Variants in C19orf47 observed in about 807,000 individuals in gnomAD.
The protein encoded by C19orf47 is uncharacterized protein C19orf47.
A neutral mutation model predicts 32.3 loss-of-function variants in C19orf47; 18 were observed. The observed-to-expected ratio is 0.56, with a 90% confidence interval of 0.39 to 0.83. The LOEUF (loss-of-function observed/expected upper bound fraction) is 0.83. Among genes scored for constraint, C19orf47 ranks in the 40% least tolerant of loss-of-function variants. C19orf47 has a pLI of 0.00. For synonymous variants in C19orf47, 202 were observed against 211.1 expected, an observed-to-expected ratio of 0.96 and a Z score of 0.37; for missense variants, 484 against 531.6, an observed-to-expected ratio of 0.91 and a Z score of 0.88.
the C19orf47 span, among the ~76,000 whole-genome samples, chr19:40,305,510 G>A: frequency 1.3e-5 from 2 of 152,228 alleles, no homozygotes; most frequent in African/African-American, 4.8e-5. Context: ...GCCACAAGAT[G>A]GCGCCACATG....
chr19:40,321,821 C>G lies in C19orf47; in HGVS notation c.*61G>C. 3 of 1,461,118 alleles carry G rather than the reference C, an allele frequency of 2.1e-6. No individual in the cohort carries two copies. Among genetic ancestry groups the G allele is most frequent in the Non-Finnish European group, 2.7e-6 (3 of 1,108,756 alleles). 90.5% of individuals were successfully genotyped at this position (1,461,118 alleles called of 1,614,324 possible). ...GTGGGAGGCGTGATGAAGCCAGGAG[C>G]CTGGGGCGGCCAGGGCAGATGCCCG... On this transcript the variant is annotated 3_prime_UTR_variant, in exon 9 of 9. Transcript: ENST00000683109.
chr19:40,312,505 A>C, the C19orf47 span, among the ~76,000 whole-genome samples: 1 of 151,888 alleles, frequency 6.6e-6, no homozygotes, highest in Non-Finnish European at 1.5e-5. Context: ...AGATCGCACC[A>C]CTGCACTCCA....
chr19:40,309,577 A>G, the C19orf47 span, among the ~76,000 whole-genome samples: 2 of 152,086 alleles, frequency 1.3e-5, no homozygotes. Flanking sequence ...AGGGGCTCAG[A>G]GCACTTAAAC....
chr19:40,323,716 G>C (rs1485550803), intron 8 of C19orf47, among the ~76,000 whole-genome samples: 2 of 152,190 alleles, frequency 1.3e-5, no homozygotes, highest in African/African-American at 4.8e-5. Flanking sequence ...GCAGCCCTCA[G>C]ATGGGGGCCC....
upstream of C19orf47, chr19:40,348,424 A>T (rs10414431): frequency 0.27 from 406,347 of 1,493,210 alleles, 56,729 homozygotes; most frequent in East Asian, 0.32. Flanking sequence ...CCGCCCCGGA[A>T]GCATCCTCTC....
At chr19:40,316,496 C>T (rs1437183317), downstream of C19orf47, among the ~76,000 whole-genome samples, 1 of 152,156 alleles carries the variant, frequency 6.6e-6, no homozygotes, top group Non-Finnish European at 1.5e-5. Context: ...CCTCAGGATT[C>T]GACAAGTCCA....
At position 40,321,167 on chromosome 19, in the gene C19orf47, A is replaced by G; in HGVS notation, c.*715T>C. The G allele has an allele frequency of 3.3e-6, 3 of 917,914 alleles. No homozygotes were observed. Among genetic ancestry groups the G allele is most frequent in the Non-Finnish European group, 3.9e-6 (3 of 767,146 alleles). The allele number at this position is 917,914 out of a possible 1,614,324, so 56.9% of individuals were successfully genotyped here. A position where few individuals can be genotyped will look rare whatever the true frequency, so the allele number is the denominator to read the frequency against. On this transcript the variant is annotated 3_prime_UTR_variant, in exon 9 of 9. Transcript: ENST00000683109. ...CACCACCCGCCATACACTTTCAGAG[A>G]CAGATGCCCAGGGCAGGAAAACGGA... is the stretch of plus-strand genomic sequence containing the variant.
At chr19:40,302,328 G>C in the C19orf47 span, among the ~76,000 whole-genome samples, 55 of 152,062 alleles carry the variant, frequency 3.6e-4, no homozygotes, top group Non-Finnish European at 5.4e-4. Flanking sequence ...ACAGTGGTAG[G>C]ATCACGGCTC....
intron 1 of C19orf47, 39 bp downstream of exon 1, chr19:40,348,285 C>T (rs78044607): frequency 0.075 from 97,340 of 1,297,324 alleles, 4,671 homozygotes; most frequent in African/African-American, 0.23. Context: ...GTCCCTACCG[C>T]AACCGGCCCA....
At position 40,321,865 on chromosome 19, in the gene C19orf47, C is replaced by T. The variant is rs200770856; in HGVS notation, c.*17G>A. 1.9e-6 allele frequency: 3 copies of T among 1,545,680 alleles called. No homozygotes were observed. Among genetic ancestry groups the T allele is most frequent in the African/African-American group, 2.7e-5 (2 of 72,926 alleles). Reference sequence around the variant, plus strand: ...ATGCCCGCAGGCTCTGCTGCCTGCACCCCGCCCACAGGTGGGCTAGAAGGT... The same window carrying T: ...ATGCCCGCAGGCTCTGCTGCCTGCATCCCGCCCACAGGTGGGCTAGAAGGT... On this transcript the variant is annotated 3_prime_UTR_variant, in exon 9 of 9. Coordinates refer to ENST00000683109, the MANE Select transcript of C19orf47 (RefSeq NM_001256441.2).
intron 1 of C19orf47, chr19:40,343,816 GA>G (rs1274672971): frequency 7.1e-6 from 1 of 141,624 alleles, no homozygotes; most frequent in African/African-American, 2.6e-5. Flanking sequence ...TTTTTTTTGA[GA>G]CAAAGTCTTG....
chr19:40,334,374 A>G (rs911425457), intron 4 of C19orf47, among the ~76,000 whole-genome samples: 1 of 152,166 alleles, frequency 6.6e-6, no homozygotes, highest in Non-Finnish European at 1.5e-5. Context: ...GCTTGAGCCC[A>G]GGAGTTTGAG....
downstream of C19orf47, among the ~76,000 whole-genome samples, chr19:40,318,389 T>C (rs534577546): frequency 9.9e-5 from 15 of 152,204 alleles, no homozygotes; most frequent in East Asian, 2.1e-3. Flanking sequence ...AGCGCAACAA[T>C]AAGAGAATCT....
At chr19:40,335,070 G>A (rs898374163) in intron 4 of C19orf47, among the ~76,000 whole-genome samples, 2 of 141,546 alleles carry the variant, frequency 1.4e-5, no homozygotes, top group Non-Finnish European at 3.1e-5. Flanking sequence ...GGAAGGGAGG[G>A]AGGGAGACAG....
chr19:40,306,616 TG>T, the C19orf47 span, among the ~76,000 whole-genome samples: 2 of 151,926 alleles, frequency 1.3e-5, no homozygotes, highest in Admixed American at 6.6e-5. Flanking sequence ...TTGGTCAGGC[TG>T]GTCTTGAACT....
At chr19:40,345,395 A>C in intron 1 of C19orf47, among the ~76,000 whole-genome samples, 1 of 151,964 alleles carries the variant, frequency 6.6e-6, no homozygotes, top group Non-Finnish European at 1.5e-5. Flanking sequence ...CACTTCCCTC[A>C]ACTGCACAAT....
chr19:40,327,330 T>A (rs1244429068), intron 6 of C19orf47, among the ~76,000 whole-genome samples: 7 of 148,810 alleles, frequency 4.7e-5, no homozygotes, highest in African/African-American at 1.2e-4. Context: ...TTTTTTTTTT[T>A]AAATGTAGAG....
chr19:40,327,306 G>T (rs1216561849), intron 6 of C19orf47, among the ~76,000 whole-genome samples: 1 of 147,944 alleles, frequency 6.8e-6, no homozygotes, highest in East Asian at 2.0e-4. Flanking sequence ...GAGCCACCCC[G>T]CCCAGCCTTT....
At chr19:40,325,839 G>A (rs2077818125) in intron 7 of C19orf47, among the ~76,000 whole-genome samples, 1 of 152,032 alleles carries the variant, frequency 6.6e-6, no homozygotes, top group African/African-American at 2.4e-5. Flanking sequence ...TAGAGATAGG[G>A]GCTCACTATG....
Sources: allele counts gnomAD v4.1 joint callset (sites outside exome capture counted in the v4.1 genomes callset), GRCh38; gene constraint gnomAD v4.1.1; transcripts MANE v1.5; gene names NCBI Gene and HGNC (gene_info 2026-07-23, HGNC 2026-07-21).